Variants in RABGAP1L observed in about 807,000 individuals in gnomAD.
RABGAP1L encodes RAB GTPase activating protein 1 like, also known as rab GTPase-activating protein 1-like.
RABGAP1L carries 63 observed loss-of-function variants against 137.7 expected under a neutral mutation model. That is an observed-to-expected ratio of 0.46 (90% CI 0.37 to 0.56). The LOEUF is 0.56. Among genes scored for constraint, RABGAP1L ranks in the 20% least tolerant of loss-of-function variants. The probability of loss-of-function intolerance (pLI) is 0.00; values close to 1 mark genes in which losing one functional copy is unlikely to be tolerated. For synonymous variants in RABGAP1L, 431 were observed against 433.7 expected (o/e 0.99, Z 0.08); for missense variants, 1,095 against 1,244.0 (o/e 0.88, Z 1.80).
intron 14 of RABGAP1L, among the ~76,000 whole-genome samples, chr1:174,664,755 T>TG (rs1491518097): frequency 2.2e-5 from 3 of 134,560 alleles, no homozygotes; most frequent in African/African-American, 9.2e-5. Flanking sequence ...TTTTTTTTTT[T>TG]GACAGAGTTT....
intron 13 of RABGAP1L, among the ~76,000 whole-genome samples, chr1:174,561,750 G>A (rs1016519787): frequency 6.6e-6 from 1 of 151,530 alleles, no homozygotes; most frequent in Non-Finnish European, 1.5e-5. Flanking sequence ...CAAAAGCAAT[G>A]GGGGAAAGAT....
intron 13 of RABGAP1L, among the ~76,000 whole-genome samples, chr1:174,596,822 T>G (rs1669969077): frequency 1.3e-5 from 2 of 152,190 alleles, no homozygotes; most frequent in Non-Finnish European, 2.9e-5. Context: ...TTTCAGGTTT[T>G]ACGCATATGT....
chr1:174,693,712 T>C (rs1679039893), intron 15 of RABGAP1L, among the ~76,000 whole-genome samples: 1 of 152,148 alleles, frequency 6.6e-6, no homozygotes, highest in Non-Finnish European at 1.5e-5. Context: ...GCAAATACAA[T>C]AGATACAGTA....
At chr1:174,238,504 C>T (rs1289089429) in intron 4 of RABGAP1L, among the ~76,000 whole-genome samples, 1 of 152,088 alleles carries the variant, frequency 6.6e-6, no homozygotes, top group Non-Finnish European at 1.5e-5. Context: ...CCCTCAGCTG[C>T]AGGTCTGTTG....
chr1:174,960,817 C>G (rs1253985066), intron 20 of RABGAP1L, among the ~76,000 whole-genome samples: 1 of 152,090 alleles, frequency 6.6e-6, no homozygotes, highest in Non-Finnish European at 1.5e-5. Flanking sequence ...AGAATAAAAG[C>G]CAACACAGTG....
intron 13 of RABGAP1L, among the ~76,000 whole-genome samples, chr1:174,405,903 G>C (rs186132962): frequency 3.9e-5 from 6 of 151,910 alleles, no homozygotes; most frequent in African/African-American, 1.5e-4. Flanking sequence ...ACTTGAGCCC[G>C]GGAGGCAGAG....
chr1:174,638,406 G>T (rs1169438239), intron 14 of RABGAP1L, among the ~76,000 whole-genome samples: 1 of 152,018 alleles, frequency 6.6e-6, no homozygotes, highest in Non-Finnish European at 1.5e-5. Context: ...AAGAGGATGT[G>T]GAGAAATAGG....
In RABGAP1L at chr1:174,371,030, C is replaced by T. The variant is rs780695079; in HGVS notation, c.1517C>T (p.Pro506Leu). The T allele has an allele frequency of 2.7e-6, 4 of 1,506,132 alleles. No homozygotes were observed. The Admixed American group carries it at 6.8e-5, about 25-fold the overall frequency. 93.3% of individuals were successfully genotyped at this position (1,506,132 alleles called of 1,614,324 possible). The part of the protein sequence containing the change: ...SGTGDVSKDC[P>L]EKILYSWGEL... Reference sequence around the variant, plus strand: ...ACAGGTGATGTGTCTAAGGATTGTCCTGAGAAGATCCTGTATTCTTGGGGA... The same window carrying T: ...ACAGGTGATGTGTCTAAGGATTGTCTTGAGAAGATCCTGTATTCTTGGGGA... The change falls in exon 12 of 26, where the codon CCT (proline) becomes CTT (leucine). Residue 506 changes from proline (P) to leucine (L), a missense_variant. Physicochemically the swap from Pro to Leu is moderately conservative, Grantham distance 98. Coordinates refer to ENST00000681986, the MANE Select transcript of RABGAP1L (RefSeq NM_001366446.1).
intron 19 of RABGAP1L, among the ~76,000 whole-genome samples, chr1:174,813,700 C>T (rs780285334): frequency 2.0e-5 from 3 of 147,960 alleles, no homozygotes; most frequent in African/African-American, 5.2e-5. Flanking sequence ...AAAGCCTTCA[C>T]GACTGATTGT....
rs77475056 is a variant in RABGAP1L, at chr1:174,643,479, T to A, written c.1824+5991T>A. 2.7e-3 allele frequency among the ~76,000 whole-genome samples: 410 copies of A among 152,260 alleles called. 7 individuals are homozygous for A. Among genetic ancestry groups the A allele is most frequent in the African/African-American group, 9.6e-3 (398 of 41,538 alleles). On this transcript the variant is annotated intron_variant, in intron 14 of 25. Transcript: ENST00000681986. ...TGAAATAAGTGATTTTAACAGACAC[T>A]TAGAGACAGCAGCATATTCTCCAAG... is the stretch of plus-strand genomic sequence containing the variant.
At chr1:174,261,713 T>C (rs1480771196) in intron 7 of RABGAP1L, among the ~76,000 whole-genome samples, 1 of 152,228 alleles carries the variant, frequency 6.6e-6, no homozygotes, top group African/African-American at 2.4e-5. Flanking sequence ...TTTTGCTGGA[T>C]TTACTTAGTA....
rs1053145746 is a variant in RABGAP1L, at chr1:174,993,061, G to C, written c.*3060G>C. On this transcript the variant is annotated 3_prime_UTR_variant, in exon 26 of 26. Transcript: ENST00000681986. ...TTCATAATTCAGTTCATCAGCTTTT[G>C]TATCTTGAGAATCTAAACACGTCTT... is the stretch of plus-strand genomic sequence containing the variant. 6.6e-6 allele frequency: 1 copy of C among 152,186 alleles called. No homozygotes were observed. Among genetic ancestry groups the C allele is most frequent in the Non-Finnish European group, 1.5e-5 (1 of 68,022 alleles). The allele number at this position is 152,186 out of a possible 1,614,324, so 9.4% of individuals were successfully genotyped here.
At chr1:174,687,403 C>T (rs550656232) in intron 15 of RABGAP1L, among the ~76,000 whole-genome samples, 12 of 152,224 alleles carry the variant, frequency 7.9e-5, no homozygotes, top group African/African-American at 2.4e-4. Flanking sequence ...CTTTTAGAAT[C>T]CTTAAGGAAC....
intron 18 of RABGAP1L, among the ~76,000 whole-genome samples, chr1:174,804,033 G>T (rs1276461694): frequency 6.6e-6 from 1 of 151,912 alleles, no homozygotes; most frequent in Non-Finnish European, 1.5e-5. Context: ...TCCAGCCTAG[G>T]TGACAGAATG....
intron 13 of RABGAP1L, among the ~76,000 whole-genome samples, chr1:174,619,745 A>T (rs182344125): frequency 6.6e-6 from 1 of 152,160 alleles, no homozygotes; most frequent in Non-Finnish European, 1.5e-5. Context: ...CAAGCAAAAT[A>T]ACCACCTAAC....
intron 7 of RABGAP1L, among the ~76,000 whole-genome samples, chr1:174,262,234 C>T (rs987764593): frequency 6.6e-6 from 1 of 152,168 alleles, no homozygotes; most frequent in Non-Finnish European, 1.5e-5. Flanking sequence ...GTAATCAGGA[C>T]AGAATTTTCA....
At chr1:174,349,715 G>A (rs1682891016) in intron 11 of RABGAP1L, among the ~76,000 whole-genome samples, 2 of 136,726 alleles carry the variant, frequency 1.5e-5, no homozygotes, top group Non-Finnish European at 3.2e-5. Flanking sequence ...CGGACAGGGC[G>A]GCTGGCCGGG....
intron 13 of RABGAP1L, among the ~76,000 whole-genome samples, chr1:174,544,495 G>T (rs537504395): frequency 6.6e-6 from 1 of 152,170 alleles, no homozygotes; most frequent in Non-Finnish European, 1.5e-5. Context: ...TTAGCCATTC[G>T]TCTAATCTTT....
At chr1:174,636,649 A>G (rs1336893511) in intron 13 of RABGAP1L, among the ~76,000 whole-genome samples, 1 of 152,124 alleles carries the variant, frequency 6.6e-6, no homozygotes, top group Non-Finnish European at 1.5e-5. Context: ...TTAAATGACC[A>G]TGGTCTGAGT....
Sources: allele counts gnomAD v4.1 joint callset (sites outside exome capture counted in the v4.1 genomes callset), GRCh38; gene constraint gnomAD v4.1.1; transcripts MANE v1.5; gene names NCBI Gene and HGNC (gene_info 2026-07-23, HGNC 2026-07-21).